Variants in GSE1 observed in about 807,000 individuals in gnomAD.
GSE1 encodes genetic suppressor element 1.
GSE1 carries 32 observed loss-of-function variants against 112.6 expected under a neutral mutation model. The ratio of observed to expected loss-of-function variants is 0.28; its 90% CI spans 0.21 to 0.38. GSE1 has a LOEUF of 0.38. GSE1 is among the 10% of genes least tolerant of loss of function. The pLI, the probability that GSE1 is intolerant of heterozygous loss-of-function variation, is 1.00. For missense variants in GSE1, 2,348 were observed against 1,699.2 expected, an observed-to-expected ratio of 1.38 and a Z score of -6.71; for synonymous variants, 1,115 against 735.6, an observed-to-expected ratio of 1.52 and a Z score of -8.35.
chr16:85,522,692 G>C (rs906797936), intron 2 of GSE1, among the ~76,000 whole-genome samples: 1 of 152,148 alleles, frequency 6.6e-6, no homozygotes, highest in African/African-American at 2.4e-5. Flanking sequence ...GGCGTGAGTG[G>C]GTGCTCGTGT....
chr16:85,467,463 ATGT>A (rs1468432054), intron 2 of GSE1, among the ~76,000 whole-genome samples: 1 of 152,062 alleles, frequency 6.6e-6, no homozygotes, highest in Non-Finnish European at 1.5e-5. Flanking sequence ...CTGGGATCTC[ATGT>A]TGTTGTATTA....
Position 85,657,600 on chromosome 16 carries a change from A to G in GSE1, c.1636A>G (p.Thr546Ala), listed in dbSNP as rs2052075999. The G allele has an allele frequency of 3.3e-6, 5 of 1,516,160 alleles. No individual in the cohort carries two copies. The highest frequency in any genetic ancestry group is 3.5e-6 in the Non-Finnish European group (4 of 1,132,950). 93.9% of individuals were successfully genotyped at this position (1,516,160 alleles called of 1,614,324 possible). ...AEAEHRPESTTRPGPNRHEPG... is the reference protein window; with the variant it reads ...AEAEHRPESTARPGPNRHEPG... ...GGCAGAGCACAGGCCGGAGAGCACC[A>G]CCAGGTGAGTGAGCCCCAGGAAGGA... The change falls in exon 8 of 16, where the codon ACC (threonine) becomes GCC (alanine). Residue 546 changes from threonine (T) to alanine (A), a missense_variant. Coordinates refer to ENST00000253458, the MANE Select transcript of GSE1 (RefSeq NM_014615.5).
chr16:85,172,813 C>G (rs987106006), intron 1 of GSE1, among the ~76,000 whole-genome samples: 5 of 152,212 alleles, frequency 3.3e-5, no homozygotes, highest in Non-Finnish European at 7.3e-5. Context: ...CTGATCCTGC[C>G]TCCCACCTGC....
intron 1 of GSE1, among the ~76,000 whole-genome samples, chr16:85,597,269 G>A (rs968031358): frequency 6.6e-5 from 10 of 150,658 alleles, no homozygotes; most frequent in Middle Eastern, 3.2e-3. Context: ...GTGAGCCACC[G>A]TGCCCAGCCA....
chr16:85,649,874 C>T (rs2051188875), intron 3 of GSE1, among the ~76,000 whole-genome samples: 2 of 152,194 alleles, frequency 1.3e-5, no homozygotes, highest in South Asian at 2.1e-4. Context: ...GGCCTGTCTG[C>T]CCTCTATCCC....
intron 1 of GSE1, among the ~76,000 whole-genome samples, chr16:85,212,027 C>G (rs2075234870): frequency 6.6e-6 from 1 of 152,212 alleles, no homozygotes; most frequent in Non-Finnish European, 1.5e-5. Context: ...AGCCATGTCC[C>G]TCAACTTTGT....
chr16:85,373,837 C>T lies in GSE1; in HGVS notation c.2464+16194C>T, dbSNP rs1258240944. On this transcript the variant is annotated intron_variant, in intron 2 of 2. Transcript: ENST00000637419. The surrounding 1 kb of genome is among the most constrained non-coding windows in gnomAD (Gnocchi z 5.1). ...TGTGCTCCTGCCCCACGGTGCCCCA[C>T]GGTTACCACCGCCACGGCAGGGCCA... Among the ~76,000 whole-genome samples, 1 of 152,122 alleles carries T rather than the reference C, an allele frequency of 6.6e-6. No individual in the cohort carries two copies. Among genetic ancestry groups the T allele is most frequent in the African/African-American group, 2.4e-5 (1 of 41,404 alleles).
At chr16:85,478,914 TCTTTCTTTCTTTCTC>T (rs2050573760) in intron 2 of GSE1, among the ~76,000 whole-genome samples, 2 of 57,738 alleles carry the variant, frequency 3.5e-5, no homozygotes, top group Admixed American at 1.8e-4. Flanking sequence ...TTTCTTTCTT[TCTTTCTTTCTTTCTC>T]TTTCTTTCTT....
chr16:85,224,260 G>A lies in GSE1; in HGVS notation c.2283+52453G>A, dbSNP rs548649443. 3.2e-5 allele frequency among the ~76,000 whole-genome samples: 4 copies of A among 125,932 alleles called. No homozygotes were observed. In the South Asian group the frequency reaches 1.0e-3, roughly 33 times the overall value. 82.6% of individuals were successfully genotyped at this position (125,932 alleles called of 152,430 possible). On this transcript the variant is annotated intron_variant, in intron 1 of 2. Coordinates refer to the GSE1 transcript ENST00000637419. ...AAGCGAGAAGGCGAGGGAGGAGGAGGGTTTCATAACCCTTATGAAACCCTA... is the reference window on the plus strand; with the variant it reads ...AAGCGAGAAGGCGAGGGAGGAGGAGAGTTTCATAACCCTTATGAAACCCTA...
intron 3 of GSE1, among the ~76,000 whole-genome samples, chr16:85,653,670 C>T (rs1341063550): frequency 2.6e-5 from 4 of 152,052 alleles, no homozygotes; most frequent in African/African-American, 9.7e-5. Context: ...CCAGCTGCTG[C>T]CTGTTCTGGT....
chr16:85,272,251 C>T (rs1259558866), intron 1 of GSE1, among the ~76,000 whole-genome samples: 1 of 152,228 alleles, frequency 6.6e-6, no homozygotes, highest in Non-Finnish European at 1.5e-5. Context: ...TGTCTTTGGC[C>T]GTGCTCTGCA....
rs1166164394 is a variant in GSE1, at chr16:85,539,286, CAT to C, written c.2465-94627_2465-94626del. Among the ~76,000 whole-genome samples the C allele has an allele frequency of 6.6e-5, 10 of 152,336 alleles. No homozygotes were observed. The South Asian group carries it at 1.9e-3, about 28-fold the overall frequency. ...GTGCCCCTGCTATTAGCTGCATGCA[CAT>C]GTTTCCCGGCTCCAGCCACATGCCC... On this transcript the variant is annotated intron_variant, in intron 2 of 2. Coordinates refer to the GSE1 transcript ENST00000637419.
chr16:85,246,510 C>G lies in GSE1; in HGVS notation c.2283+74703C>G, dbSNP rs1025360759. Among the ~76,000 whole-genome samples the G allele has an allele frequency of 4.7e-5, 5 of 105,968 alleles. 1 individual carries two copies. The highest frequency in any genetic ancestry group is 7.8e-4 in the South Asian group (2 of 2,578). 69.5% of individuals were successfully genotyped at this position (105,968 alleles called of 152,430 possible). A position where few individuals can be genotyped will look rare whatever the true frequency, so the allele number is the denominator to read the frequency against. Reference sequence around the variant, plus strand: ...ACACACACTCTACACACCCCCCCCCCCCCGACGCTGTCTGCAGGAGATGTG... The same window carrying G: ...ACACACACTCTACACACCCCCCCCCGCCCGACGCTGTCTGCAGGAGATGTG... On this transcript the variant is annotated intron_variant, in intron 1 of 2. Transcript: ENST00000637419.
chr16:85,321,420 G>A (rs2046104538), intron 1 of GSE1, among the ~76,000 whole-genome samples: 1 of 152,236 alleles, frequency 6.6e-6, no homozygotes, highest in Middle Eastern at 3.4e-3. Context: ...TGTTTGAAAG[G>A]AAGGGCGAAA....
In GSE1 at chr16:85,170,732, T is replaced by TGCACAGCCCGCCCCCAGGG; in HGVS notation, c.1218_1236dup (p.Ile413AlafsTer56). On this transcript the variant is annotated frameshift_variant, in exon 1 of 3. Coordinates refer to the GSE1 transcript ENST00000637419. LOFTEE classifies it high-confidence loss of function. ...GCCCCGTTCTTCCCCTTCCTGTGGC[T>TGCACAGCCCGCCCCCAGGG]GCACAGCCCGCCCCCAGGGGCACAG... is the stretch of plus-strand genomic sequence containing the variant. The TGCACAGCCCGCCCCCAGGG allele has an allele frequency of 1.0e-6, 1 of 985,580 alleles. No homozygotes were observed. The highest frequency in any genetic ancestry group is 1.2e-6 in the Non-Finnish European group (1 of 830,014). The allele number at this position is 985,580 out of a possible 1,614,324, so 61.1% of individuals were successfully genotyped here.
chr16:85,479,511 C>G (rs930155888), intron 2 of GSE1, among the ~76,000 whole-genome samples: 10 of 151,992 alleles, frequency 6.6e-5, no homozygotes, highest in African/African-American at 2.4e-4. Flanking sequence ...TCCACGTTGA[C>G]CAGGCTGGTC....
intron 15 of GSE1, 39 bp downstream of exon 15, chr16:85,671,137 C>G (rs2053295111): frequency 8.4e-7 from 1 of 1,193,270 alleles, no homozygotes; most frequent in Non-Finnish European, 1.2e-6. Flanking sequence ...AACACGCAAC[C>G]TTTTGAGTTT....
At chr16:85,491,727 C>T (rs985598042) in intron 2 of GSE1, among the ~76,000 whole-genome samples, 6 of 151,728 alleles carry the variant, frequency 4.0e-5, no homozygotes, top group African/African-American at 1.2e-4. Context: ...CCGAGTCCTC[C>T]TGGGAGCCTG....
chr16:85,597,776 C>G (rs1293010450), intron 1 of GSE1, among the ~76,000 whole-genome samples: 2 of 152,164 alleles, frequency 1.3e-5, no homozygotes, highest in Admixed American at 6.5e-5. Context: ...TGGCTGGATT[C>G]TTCAATAACT....
Sources: gnomAD v4.1 joint callset for allele counts (sites outside exome capture counted in the v4.1 genomes callset) on GRCh38, gnomAD v4.1.1 for gene constraint, Gnocchi (gnomAD v3.1) non-coding constraint, MANE v1.5 for transcripts, NCBI Gene and HGNC (gene_info 2026-07-23, HGNC 2026-07-21) for gene names.